Variants in RFC3 observed in about 807,000 individuals in gnomAD.
The protein encoded by RFC3 is A1 38 kDa subunit.
In RFC3, 41 loss-of-function variants were observed where a neutral mutation model predicts 45.1. The ratio of observed to expected loss-of-function variants is 0.91; its 90% CI spans 0.71 to 1.18. The LOEUF is 1.18. Ranked by LOEUF, RFC3 falls within the 50% of genes most tolerant of loss-of-function variation. RFC3 has a pLI of 0.00. For missense variants in RFC3, 423 were observed against 428.1 expected (o/e 0.99, Z 0.10); for synonymous variants, 149 against 144.0 (o/e 1.03, Z -0.25).
the RFC3 span, among the ~76,000 whole-genome samples, chr13:33,974,249 CT>C: frequency 0.032 from 4,884 of 152,230 alleles, 268 homozygotes; most frequent in African/African-American, 0.11. Context: ...TGATATGCTT[CT>C]TTTTTTCTTT....
intron 8 of RFC3, among the ~76,000 whole-genome samples, chr13:33,948,050 A>C (rs144992699): frequency 6.6e-6 from 1 of 152,218 alleles, no homozygotes; most frequent in Admixed American, 6.5e-5. Context: ...GTTAATCACC[A>C]AGACAATGGG....
At chr13:33,894,099 A>G (rs150305234) in intron 8 of RFC3, among the ~76,000 whole-genome samples, 137 of 152,310 alleles carry the variant, frequency 9.0e-4, no homozygotes, top group African/African-American at 3.0e-3. Flanking sequence ...TTTTCCAATA[A>G]GCAACACAGG....
chr13:33,871,214 A>G (rs757586580), intron 8 of RFC3, among the ~76,000 whole-genome samples: 3 of 152,208 alleles, frequency 2.0e-5, no homozygotes, highest in African/African-American at 7.2e-5. Flanking sequence ...GCCATAACAA[A>G]TAACCATAAA....
intron 8 of RFC3, among the ~76,000 whole-genome samples, chr13:33,935,848 A>G (rs773853902): frequency 6.6e-5 from 10 of 152,328 alleles, no homozygotes; most frequent in Middle Eastern, 3.4e-3. Flanking sequence ...ACAAAACTTA[A>G]ATCTATGGCT....
At chr13:33,822,387 T>G (rs2082011494) in intron 2 of RFC3, among the ~76,000 whole-genome samples, 1 of 152,224 alleles carries the variant, frequency 6.6e-6, no homozygotes, top group African/African-American at 2.4e-5. Context: ...TTGTTACAAT[T>G]GTATGAAATG....
chr13:33,899,204 C>CAAAAAAAAAAAAAAAAAA (rs59221382), intron 8 of RFC3, among the ~76,000 whole-genome samples: 48 of 51,972 alleles, frequency 9.2e-4, no homozygotes, highest in South Asian at 1.9e-3. Context: ...CACAATAAGA[C>CAAAAAAAAAAAAAAAAAA]AAAAAAAAAA....
chr13:33,961,083 T>C (rs1453736101), intron 8 of RFC3, among the ~76,000 whole-genome samples: 2 of 152,252 alleles, frequency 1.3e-5, no homozygotes, highest in East Asian at 3.8e-4. Flanking sequence ...GAGGTATTTA[T>C]ACTTACAGTA....
Position 33,818,243 on chromosome 13 carries a change from A to T in RFC3, c.65A>T (p.Gln22Leu), listed in dbSNP as rs576857924. ...GGACGGCTGGACTATCACAAGGAGC[A>T]GGCGGCCCAGCTGCGGAACCTGGTG... ...SLGRLDYHKE[Q>L]AAQLRNLVQC... The change falls in exon 1 of 9, where the codon CAG becomes CTG. Residue 22 changes from glutamine (Q) to leucine (L), a missense_variant. Gln to Leu is a moderately radical substitution (Grantham distance 113, BLOSUM62 -2). Transcript: ENST00000380071. 14 of 1,613,532 alleles carry T rather than the reference A, an allele frequency of 8.7e-6. No individual in the cohort carries two copies. In the South Asian group the frequency reaches 1.3e-4, roughly 15 times the overall value.
chr13:33,936,396 A>G (rs749637621), intron 8 of RFC3, among the ~76,000 whole-genome samples: 7 of 152,018 alleles, frequency 4.6e-5, no homozygotes, highest in Non-Finnish European at 8.8e-5. Flanking sequence ...TATGGGTTGA[A>G]TTTTGTACCC....
downstream of RFC3, among the ~76,000 whole-genome samples, chr13:33,967,957 A>G (rs1026803051): frequency 1.3e-5 from 2 of 152,344 alleles, no homozygotes; most frequent in Middle Eastern, 3.4e-3. Context: ...CACTTTGACA[A>G]ATTCTCTGCT....
At chr13:33,888,236 C>A (rs1379862683) in intron 8 of RFC3, among the ~76,000 whole-genome samples, 1 of 152,134 alleles carries the variant, frequency 6.6e-6, no homozygotes, top group Non-Finnish European at 1.5e-5. Context: ...CACTGGCATG[C>A]AAGTTCAGGG....
Position 33,956,282 on chromosome 13 carries a change from G to A in RFC3, c.880-9805G>A, listed in dbSNP as rs116713603. Among the ~76,000 whole-genome samples, 245 of 152,274 alleles carry A rather than the reference G, an allele frequency of 1.6e-3. 2 individuals are homozygous for A. Among genetic ancestry groups the A allele is most frequent in the African/African-American group, 5.7e-3 (237 of 41,534 alleles). ...AACATAAAAATCAGAACATTGGATT[G>A]GAAATTAGTGGTTGGATTTCTAGGA... is the stretch of plus-strand genomic sequence containing the variant. On this transcript the variant is annotated intron_variant, in intron 8 of 8. Transcript: ENST00000434425.
chr13:33,855,265 T>G (rs1456209452), intron 8 of RFC3, among the ~76,000 whole-genome samples: 1 of 152,214 alleles, frequency 6.6e-6, no homozygotes, highest in Non-Finnish European at 1.5e-5. Flanking sequence ...TGATTTTATA[T>G]TTCTTAATGC....
intron 8 of RFC3, among the ~76,000 whole-genome samples, chr13:33,859,462 ATTTATATT>A (rs2082327136): frequency 6.6e-6 from 1 of 152,208 alleles, no homozygotes; most frequent in South Asian, 2.1e-4. Flanking sequence ...ATATCAAAAC[ATTTATATT>A]TTAATGAGTG....
chr13:33,836,548 G>T lies in RFC3; in HGVS notation c.*253G>T. On this transcript the variant is annotated 3_prime_UTR_variant, in exon 9 of 9. Coordinates refer to ENST00000380071, the MANE Select transcript of RFC3 (RefSeq NM_002915.4). ...TGATCTTAATTTACTTTAAGCATTG[G>T]TTATTCAAGTATTCATTGTTGATCC... 8.5e-7 allele frequency: 1 copy of T among 1,170,822 alleles called. No homozygotes were observed. The allele number at this position is 1,170,822 out of a possible 1,614,324, so 72.5% of individuals were successfully genotyped here.
intron 8 of RFC3, among the ~76,000 whole-genome samples, chr13:33,927,693 T>G (rs151074713): frequency 1.1e-3 from 165 of 152,194 alleles, no homozygotes; most frequent in Middle Eastern, 0.01. Context: ...TCTATTTTGA[T>G]TCTGACAACT....
chr13:33,952,288 TC>T (rs1446478461), intron 8 of RFC3, among the ~76,000 whole-genome samples: 2 of 152,218 alleles, frequency 1.3e-5, no homozygotes, highest in Admixed American at 1.3e-4. Context: ...TGAAAAATCA[TC>T]TAGAAGCAGT....
intron 8 of RFC3, among the ~76,000 whole-genome samples, chr13:33,937,375 A>G (rs1183361127): frequency 6.6e-6 from 1 of 152,182 alleles, no homozygotes; most frequent in Admixed American, 6.5e-5. Context: ...ATAGCCTAAT[A>G]TTGCATTTCT....
At chr13:33,835,839 A>G (rs1159179331) in intron 8 of RFC3, among the ~76,000 whole-genome samples, 2 of 152,184 alleles carry the variant, frequency 1.3e-5, no homozygotes, top group African/African-American at 4.8e-5. Flanking sequence ...TGCAGAAAGC[A>G]TCCTTACACT....
Sources: allele counts gnomAD v4.1 joint callset (sites outside exome capture counted in the v4.1 genomes callset), GRCh38; gene constraint gnomAD v4.1.1; transcripts MANE v1.5; gene names NCBI Gene and HGNC (gene_info 2026-07-23, HGNC 2026-07-21).